The following MIER2 variants were observed in gnomAD, a reference collection of about 807,000 sequenced individuals.
The protein encoded by MIER2 is MIER family member 2.
Under a neutral mutation model 67.6 loss-of-function variants are expected in MIER2, and 30 were observed. The ratio of observed to expected loss-of-function variants is 0.44; its 90% CI spans 0.33 to 0.60. The LOEUF (loss-of-function observed/expected upper bound fraction) is 0.60, where lower values mean the gene tolerates loss of function less well. Among genes scored for constraint, MIER2 ranks in the 20% least tolerant of loss-of-function variants. The pLI is 0.02. For synonymous variants in MIER2, 372 were observed against 312.6 expected (o/e 1.19, Z -2.00); for missense variants, 702 against 745.1 (o/e 0.94, Z 0.67).
At chr19:310,346 G>T (rs1048977389) in intron 10 of MIER2, among the ~76,000 whole-genome samples, 1 of 152,250 alleles carries the variant, frequency 6.6e-6, no homozygotes, top group Non-Finnish European at 1.5e-5. Context: ...CAACCTCCCT[G>T]CAGGGCAAAC....
intron 3 of MIER2, among the ~76,000 whole-genome samples, chr19:333,056 G>C (rs1212566583): frequency 1.5e-5 from 1 of 68,808 alleles, no homozygotes; most frequent in African/African-American, 8.5e-5. Flanking sequence ...GCAGTGGCAC[G>C]ATCTCAGCTC....
intron 1 of MIER2, chr19:344,541 C>T: frequency 3.2e-6 from 1 of 310,070 alleles, no homozygotes; most frequent in Non-Finnish European, 4.7e-6. Context: ...CGCATGCGCA[C>T]TGCAGCCCGC....
chr19:326,734 G>A (rs1180667058), intron 5 of MIER2, 136 bp from the exon 6 acceptor site: 1 of 709,750 alleles, frequency 1.4e-6, no homozygotes, highest in East Asian at 2.7e-5. Flanking sequence ...TGGGTAAACA[G>A]ATGGGCACAG....
At chr19:327,000 G>A (rs980722228) in intron 5 of MIER2, 133 bp downstream of exon 5, 21 of 1,296,788 alleles carry the variant, frequency 1.6e-5, no homozygotes, top group African/African-American at 9.1e-5. Flanking sequence ...GGCTACTGAC[G>A]CTTCCCGCCA....
At chr19:340,020 T>C (rs1317305418) in intron 1 of MIER2, among the ~76,000 whole-genome samples, 1 of 152,212 alleles carries the variant, frequency 6.6e-6, no homozygotes, top group Admixed American at 6.5e-5. Flanking sequence ...GATTAAAATA[T>C]TTAATGAAGT....
At position 308,728 on chromosome 19, in the gene MIER2, C is replaced by T. The variant is rs541593658; in HGVS notation, c.1110-63G>A. The stretch of plus-strand genomic sequence containing the variant: ...ACAGACGCCCCCACCCAAGAGGTGC[C>T]GCCCAGGCGCCCACGTGCCCACCCC... On this transcript the variant is annotated intron_variant, in intron 11 of 13. Coordinates refer to ENST00000264819, the MANE Select transcript of MIER2 (RefSeq NM_017550.3). This position sits in a 1 kb window ranked among gnomAD's most constrained non-coding sequence, Gnocchi z 9.1. 463 of 1,591,736 alleles carry T rather than the reference C, an allele frequency of 2.9e-4. 5 individuals are homozygous for T. The Admixed American group carries it at 5.4e-3, about 19-fold the overall frequency.
intron 3 of MIER2, among the ~76,000 whole-genome samples, chr19:329,466 G>GA (rs1320211983): frequency 6.6e-6 from 1 of 152,194 alleles, no homozygotes; most frequent in Non-Finnish European, 1.5e-5. Flanking sequence ...GGCTTGCACT[G>GA]ATAGTGCAGC....
chr19:344,404 C>CGGGCCG (rs1455971590), intron 1 of MIER2: 15 of 983,724 alleles, frequency 1.5e-5, no homozygotes, highest in African/African-American at 1.8e-5. Flanking sequence ...CCGCGGGGCC[C>CGGGCCG]GGGCCGGGGC....
At chr19:334,116 C>T (rs1402753752) in intron 3 of MIER2, 3 of 328,270 alleles carry the variant, frequency 9.1e-6, no homozygotes, top group South Asian at 7.7e-5. Flanking sequence ...TGAGCCACTG[C>T]ACCCAGCCTG....
intron 7 of MIER2, among the ~76,000 whole-genome samples, chr19:321,838 C>G (rs893810999): frequency 6.6e-6 from 1 of 152,118 alleles, no homozygotes; most frequent in African/African-American, 2.4e-5. Context: ...CCTGATTTAC[C>G]ACAAAGGCGT....
chr19:342,006 G>C (rs1972528107), intron 1 of MIER2, among the ~76,000 whole-genome samples: 1 of 152,110 alleles, frequency 6.6e-6, no homozygotes, highest in South Asian at 2.1e-4. Context: ...CAAAATGACA[G>C]GGTGGCAGGT....
intron 7 of MIER2, among the ~76,000 whole-genome samples, chr19:316,316 G>C (rs773137975): frequency 3.3e-4 from 50 of 150,706 alleles, no homozygotes; most frequent in South Asian, 1.9e-3. Context: ...TTTTGGAGAT[G>C]GAGTCTTGCT....
In MIER2 at chr19:308,136, G is replaced by A. The variant is rs570990917; in HGVS notation, c.1198+441C>T. On this transcript the variant is annotated intron_variant, in intron 12 of 13. Transcript: ENST00000264819. This position sits in a 1 kb window ranked among gnomAD's most constrained non-coding sequence, Gnocchi z 9.1. Reference sequence around the variant, plus strand: ...GGACGCCACATCAGACACCACCATCGGACATGGTCCCTACCCGAGGCCCTG... The same window carrying A: ...GGACGCCACATCAGACACCACCATCAGACATGGTCCCTACCCGAGGCCCTG... 2.0e-5 allele frequency among the ~76,000 whole-genome samples: 3 copies of A among 152,226 alleles called. No homozygotes were observed. The highest frequency in any genetic ancestry group is 4.1e-4 in the South Asian group (2 of 4,820).
chr19:319,145 TGAG>T (rs1435671428), intron 7 of MIER2, among the ~76,000 whole-genome samples: 5 of 151,352 alleles, frequency 3.3e-5, no homozygotes, highest in Admixed American at 3.3e-4. Context: ...GTGGATCACC[TGAG>T]GTCAGGAGTT....
intron 1 of MIER2, among the ~76,000 whole-genome samples, chr19:342,379 TGG>T (rs912741010): frequency 5.9e-5 from 9 of 151,566 alleles, no homozygotes; most frequent in Admixed American, 3.9e-4. Context: ...AGGGAAGGCC[TGG>T]GGGGCCTCAG....
chr19:320,611 T>C (rs1476759005), intron 7 of MIER2, among the ~76,000 whole-genome samples: 1 of 152,172 alleles, frequency 6.6e-6, no homozygotes, highest in East Asian at 1.9e-4. Flanking sequence ...TGGCATTAGA[T>C]TCTCATAGGA....
intron 1 of MIER2, among the ~76,000 whole-genome samples, chr19:341,600 A>T (rs917601254): frequency 1.3e-5 from 2 of 152,072 alleles, no homozygotes; most frequent in Non-Finnish European, 2.9e-5. Flanking sequence ...TCCAGGTGCA[A>T]GTCTACTCTC....
intron 3 of MIER2, chr19:334,123 C>A: frequency 2.9e-6 from 1 of 349,102 alleles, no homozygotes; most frequent in Non-Finnish European, 5.3e-6. Context: ...CTGCACCCAG[C>A]CTGAAACTCT....
intron 1 of MIER2, among the ~76,000 whole-genome samples, chr19:342,381 G>C (rs1972545822): frequency 6.6e-6 from 1 of 151,930 alleles, no homozygotes; most frequent in African/African-American, 2.4e-5. Flanking sequence ...GGAAGGCCTG[G>C]GGGGCCTCAG....
Sources: gnomAD v4.1 joint callset for allele counts (sites outside exome capture counted in the v4.1 genomes callset) on GRCh38, gnomAD v4.1.1 for gene constraint, Gnocchi (gnomAD v3.1) non-coding constraint, MANE v1.5 for transcripts, NCBI Gene and HGNC (gene_info 2026-07-23, HGNC 2026-07-21) for gene names.